NMNAT1: variants seen among roughly 807,000 people sequenced by gnomAD.
NMNAT1 encodes the protein nicotinamide nucleotide adenylyltransferase 1.
NMNAT1 carries 11 observed loss-of-function variants against 16.7 expected under a neutral mutation model. The observed-to-expected ratio is 0.66, with a 90% CI of 0.41 to 1.09. The LOEUF (loss-of-function observed/expected upper bound fraction) is 1.09. NMNAT1 is among the 50% of genes least tolerant of loss of function. NMNAT1 has a pLI of 0.00. For synonymous variants in NMNAT1, 110 were observed against 119.8 expected (o/e 0.92, Z 0.53); for missense variants, 280 against 332.3 (o/e 0.84, Z 1.22).
upstream of NMNAT1, chr1:9,942,924 C>G: frequency 1.1e-5 from 4 of 354,188 alleles, no homozygotes; most frequent in South Asian, 8.4e-5. Context: ...CTACCGCAGC[C>G]TTTCTGAGTT....
chr1:9,969,790 TA>T (rs1179082088), intron 1 of NMNAT1, among the ~76,000 whole-genome samples: 1 of 151,896 alleles, frequency 6.6e-6, no homozygotes, highest in African/African-American at 2.4e-5. Context: ...AAAGAACAGA[TA>T]AAATGGGAGG....
chr1:9,962,225 A>G (rs575276859), intron 1 of NMNAT1, among the ~76,000 whole-genome samples: 2 of 151,950 alleles, frequency 1.3e-5, no homozygotes, highest in Admixed American at 1.3e-4. Flanking sequence ...GCTCACGCCT[A>G]TAATCCCAGC....
chr1:9,968,090 G>C (rs867722388), intron 1 of NMNAT1, among the ~76,000 whole-genome samples: 1 of 17,028 alleles, frequency 5.9e-5, no homozygotes, highest in Non-Finnish European at 4.0e-4. Flanking sequence ...GTTTTTTTTT[G>C]AGATGGAGTC....
downstream of NMNAT1, among the ~76,000 whole-genome samples, chr1:9,990,134 A>AT (rs1376689643): frequency 6.6e-5 from 10 of 152,160 alleles, no homozygotes; most frequent in African/African-American, 2.4e-4. Flanking sequence ...ATGTATCAGA[A>AT]TTTTTTTTCA....
intron 1 of NMNAT1, among the ~76,000 whole-genome samples, chr1:9,959,471 A>C (rs1037237933): frequency 6.7e-6 from 1 of 149,874 alleles, no homozygotes; most frequent in Non-Finnish European, 1.5e-5. Context: ...TCATGAGGTC[A>C]GGAGTTCAAG....
At position 9,978,155 on chromosome 1, in the gene NMNAT1, G is replaced by T. The variant is rs183281838; in HGVS notation, c.299+2380G>T. Among the ~76,000 whole-genome samples the T allele has an allele frequency of 1.8e-3, 273 of 152,202 alleles. 1 individual carries two copies. The highest frequency in any genetic ancestry group is 2.5e-3 in the Non-Finnish European group (171 of 68,000). On this transcript the variant is annotated intron_variant, in intron 3 of 4. Transcript: ENST00000377205. Reference sequence around the variant, plus strand: ...GTGGATCACCTGAGGTCAGGAGATCGAGACCACCCTGGCCAACATGGCAAA... The same window carrying T: ...GTGGATCACCTGAGGTCAGGAGATCTAGACCACCCTGGCCAACATGGCAAA...
At chr1:9,973,313 T>G (rs888705316) in intron 2 of NMNAT1, among the ~76,000 whole-genome samples, 1 of 152,172 alleles carries the variant, frequency 6.6e-6, no homozygotes, top group Middle Eastern at 3.4e-3. Flanking sequence ...CGACGGGGTT[T>G]CTCCATGTTG....
At chr1:9,960,106 C>T (rs1641368034) in intron 1 of NMNAT1, among the ~76,000 whole-genome samples, 1 of 151,966 alleles carries the variant, frequency 6.6e-6, no homozygotes, top group South Asian at 2.1e-4. Flanking sequence ...CTATTGTTTT[C>T]GAAAAGTTGA....
chr1:9,987,897 T>A (rs867391346), downstream of NMNAT1, among the ~76,000 whole-genome samples: 7 of 152,304 alleles, frequency 4.6e-5, no homozygotes, highest in Middle Eastern at 3.4e-3. Flanking sequence ...AGCCACACTT[T>A]TGTTGAGACA....
chr1:9,990,066 G>A (rs1452051557), downstream of NMNAT1, among the ~76,000 whole-genome samples: 1 of 152,238 alleles, frequency 6.6e-6, no homozygotes, highest in African/African-American at 2.4e-5. Flanking sequence ...GCTAGTTCCA[G>A]CGCCCCTGCA....
intron 2 of NMNAT1, 65 bp from the exon 3 acceptor site, chr1:9,975,527 G>A (rs548087621): frequency 7.6e-5 from 94 of 1,238,162 alleles, no homozygotes; most frequent in Admixed American, 2.4e-4. Context: ...AATATTGATC[G>A]TAATATTTCC....
At position 9,983,859 on chromosome 1, in the gene NMNAT1, A is replaced by G. The variant is rs141823594; in HGVS notation, c.*1158A>G. On this transcript the variant is annotated 3_prime_UTR_variant, in exon 5 of 5. Transcript: ENST00000377205. ...GAATTTGGACTTCCTCTGGGAAACT[A>G]CACCTAGTTCATCTGAAGTGTCACG... 6.0e-4 allele frequency: 91 copies of G among 152,288 alleles called. No individual in the cohort carries two copies. Among genetic ancestry groups the G allele is most frequent in the African/African-American group, 2.0e-3 (83 of 41,566 alleles). 9.4% of individuals were successfully genotyped at this position (152,288 alleles called of 1,614,324 possible).
chr1:9,973,020 T>G (rs1469740571), intron 2 of NMNAT1, among the ~76,000 whole-genome samples: 2 of 152,170 alleles, frequency 1.3e-5, no homozygotes, highest in East Asian at 3.9e-4. Context: ...TCTTTAGGAG[T>G]TTCCCATTAC....
intron 1 of NMNAT1, among the ~76,000 whole-genome samples, chr1:9,964,676 C>T (rs1340084140): frequency 5.9e-5 from 9 of 152,124 alleles, no homozygotes; most frequent in Non-Finnish European, 1.0e-4. Flanking sequence ...CGGCCAGGCA[C>T]GGTGGCTCAT....
chr1:9,994,509 C>A, the NMNAT1 span, among the ~76,000 whole-genome samples: 10 of 152,144 alleles, frequency 6.6e-5, no homozygotes, highest in Admixed American at 6.6e-5. Flanking sequence ...TGGCTCACTG[C>A]AACCTCTGCC....
rs1641939384 is a variant in NMNAT1, at chr1:9,981,173, T to C, written c.439+3T>C. 1 of 1,608,064 alleles carries C rather than the reference T, an allele frequency of 6.2e-7. No individual in the cohort carries two copies. Among genetic ancestry groups the C allele is most frequent in the Non-Finnish European group, 8.5e-7 (1 of 1,178,236 alleles). ...ATCCCTAGAGCCAAAAACAAAAGGT[T>C]TGTATGTTTTAGCAGGACCCACGGA... is the stretch of plus-strand genomic sequence containing the variant. On this transcript the variant is annotated splice_donor_region_variant and intron_variant, in intron 4 of 4. Coordinates refer to ENST00000377205, the MANE Select transcript of NMNAT1 (RefSeq NM_022787.4).
chr1:9,945,767 T>A (rs1640965587), intron 1 of NMNAT1, among the ~76,000 whole-genome samples: 1 of 152,170 alleles, frequency 6.6e-6, no homozygotes, highest in African/African-American at 2.4e-5. Context: ...CCTGATTTTT[T>A]AATTTTTGTT....
At chr1:9,953,280 T>C (rs1641163518) in intron 1 of NMNAT1, among the ~76,000 whole-genome samples, 1 of 122,320 alleles carries the variant, frequency 8.2e-6, no homozygotes, top group Non-Finnish European at 1.7e-5. Context: ...TGCGCGGGCT[T>C]TTTTTTTTTT....
At chr1:9,960,071 C>T (rs1031740365) in intron 1 of NMNAT1, among the ~76,000 whole-genome samples, 4 of 152,072 alleles carry the variant, frequency 2.6e-5, no homozygotes, top group Non-Finnish European at 4.4e-5. Flanking sequence ...CTGAAATATG[C>T]GATAGGGAAA....
Sources: gnomAD v4.1 joint callset for allele counts (sites outside exome capture counted in the v4.1 genomes callset) on GRCh38, gnomAD v4.1.1 for gene constraint, MANE v1.5 for transcripts, NCBI Gene and HGNC (gene_info 2026-07-23, HGNC 2026-07-21) for gene names.